Variants in ZNF469 observed in about 807,000 individuals in gnomAD.
ZNF469 encodes zinc finger protein 469.
A neutral mutation model predicts 1.0 loss-of-function variants in ZNF469; 1 was observed. That is an observed-to-expected ratio of 1.00 (90% CI 0.35 to 4.73). ZNF469 has a LOEUF of 4.73. Among genes scored for constraint, ZNF469 ranks in the 30% most tolerant of loss-of-function variants. The pLI is 0.16. For synonymous variants in ZNF469, 2,703 were observed against 2,363.4 expected (o/e 1.14, Z -4.17); for missense variants, 6,100 against 5,356.3 (o/e 1.14, Z -4.33).
the ZNF469 span, among the ~76,000 whole-genome samples, chr16:88,131,123 C>A: frequency 2.0e-5 from 3 of 152,248 alleles, no homozygotes; most frequent in Non-Finnish European, 4.4e-5. Flanking sequence ...TCCTGGAAAT[C>A]AATTGCTTTG....
At chr16:88,367,656 C>T in the ZNF469 span, among the ~76,000 whole-genome samples, 2 of 152,158 alleles carry the variant, frequency 1.3e-5, 1 homozygote, top group South Asian at 4.1e-4. Context: ...TGTGCTGGAG[C>T]CAAGCCCAAG....
At chr16:88,255,842 G>A in the ZNF469 span, among the ~76,000 whole-genome samples, 1 of 152,176 alleles carries the variant, frequency 6.6e-6, no homozygotes, top group South Asian at 2.1e-4. Context: ...TTATTACAGG[G>A]TTGGAATGTC....
chr16:88,306,207 G>T, the ZNF469 span, among the ~76,000 whole-genome samples: 1 of 152,208 alleles, frequency 6.6e-6, no homozygotes, highest in African/African-American at 2.4e-5. Context: ...CCTACAGTGT[G>T]CCAGGCACCG....
chr16:88,353,094 A>T, the ZNF469 span, among the ~76,000 whole-genome samples: 5 of 152,138 alleles, frequency 3.3e-5, no homozygotes, highest in Admixed American at 3.3e-4. Flanking sequence ...GCAGGAGGGA[A>T]ACCCTTAGGT....
At chr16:88,354,012 G>A in the ZNF469 span, among the ~76,000 whole-genome samples, 1 of 152,226 alleles carries the variant, frequency 6.6e-6, no homozygotes, top group Non-Finnish European at 1.5e-5. Flanking sequence ...GCTCGTGGCT[G>A]CCCCAGCTGG....
At chr16:88,244,794 T>C in the ZNF469 span, among the ~76,000 whole-genome samples, 1 of 143,846 alleles carries the variant, frequency 7.0e-6, no homozygotes, top group East Asian at 2.0e-4. Context: ...TCACCTAAGT[T>C]TGACAACTGG....
chr16:88,353,269 G>A, the ZNF469 span, among the ~76,000 whole-genome samples: 1 of 152,036 alleles, frequency 6.6e-6, no homozygotes, highest in African/African-American at 2.4e-5. Flanking sequence ...CGGCTGGAGG[G>A]ACCCTGGCTC....
chr16:88,143,752 G>T, the ZNF469 span, among the ~76,000 whole-genome samples: 2 of 152,250 alleles, frequency 1.3e-5, no homozygotes. Context: ...TCGCAGCCTT[G>T]CGGGGAGCGG....
At chr16:88,296,138 C>T in the ZNF469 span, among the ~76,000 whole-genome samples, 4 of 152,142 alleles carry the variant, frequency 2.6e-5, no homozygotes, top group South Asian at 4.1e-4. Flanking sequence ...GGAATTTCCC[C>T]GAGAGTGGCC....
At chr16:88,143,745 C>T in the ZNF469 span, among the ~76,000 whole-genome samples, 2 of 152,272 alleles carry the variant, frequency 1.3e-5, no homozygotes, top group South Asian at 4.1e-4. Flanking sequence ...GAACAAGTCG[C>T]AGCCTTGCGG....
the ZNF469 span, among the ~76,000 whole-genome samples, chr16:88,211,387 C>A: frequency 6.6e-6 from 1 of 152,228 alleles, no homozygotes; most frequent in East Asian, 1.9e-4. Context: ...TCTTCACATC[C>A]CATGCTGGGT....
In ZNF469 at chr16:88,438,871, C is replaced by T; in HGVS notation, c.11401C>T (p.Pro3801Ser). ...GCCAAGGGAAGCTGGTGAGCAGGGG[C>T]CCCACGGGAGCCTAGGTCCCAAGGA... is the stretch of plus-strand genomic sequence containing the variant. ...KGPREAGEQG[P>S]HGSLGPKEKG... Residue 3801 changes from proline (P) to serine (S), a missense_variant, in exon 3 of 3, where the codon CCC becomes TCC. Physicochemically the swap from Pro to Ser is moderately conservative, Grantham distance 74 (BLOSUM62 -1). Transcript: ENST00000565624. 6.4e-7 allele frequency: 1 copy of T among 1,550,454 alleles called. No individual in the cohort carries two copies. The highest frequency in any genetic ancestry group is 8.7e-7 in the Non-Finnish European group (1 of 1,146,982).
chr16:88,357,199 G>A, the ZNF469 span, among the ~76,000 whole-genome samples: 1 of 152,214 alleles, frequency 6.6e-6, no homozygotes, highest in Admixed American at 6.5e-5. Context: ...CCTGGACCCG[G>A]GTTTGAATCC....
rs1236654872 is a variant in ZNF469 at position 88,430,160 on chromosome 16, C to T, written c.2690C>T (p.Ala897Val). The T allele has an allele frequency of 7.1e-6, 11 of 1,549,542 alleles. No individual in the cohort carries two copies. The highest frequency in any genetic ancestry group is 2.0e-5 in the Admixed American group (1 of 51,010). The change falls in exon 3 of 3, where the codon GCT becomes GTT. Residue 897 changes from alanine to valine, a missense_variant. By Grantham distance (64) the Ala-to-Val change is moderately conservative. Transcript: ENST00000565624. ...GCGGGGGTGACTCCAGAGAGCAAAGCTCCGCCCCCGCTCCCAGCAGCCACG... is the reference window on the plus strand; with the variant it reads ...GCGGGGGTGACTCCAGAGAGCAAAGTTCCGCCCCCGCTCCCAGCAGCCACG... ...SKAGVTPESK[A>V]PPPLPAATPD...
chr16:88,113,745 G>A, the ZNF469 span, among the ~76,000 whole-genome samples: 1 of 149,886 alleles, frequency 6.7e-6, no homozygotes, highest in Admixed American at 6.7e-5. Context: ...GCTGTGAGGC[G>A]TGCGTCCCTT....
chr16:88,428,764 C>T lies in ZNF469; in HGVS notation c.1294C>T (p.Pro432Ser). 6.5e-7 allele frequency: 1 copy of T among 1,545,432 alleles called. No homozygotes were observed. The highest frequency in any genetic ancestry group is 8.7e-7 in the Non-Finnish European group (1 of 1,145,728). The change falls in exon 3 of 3, where the codon CCC (proline) becomes TCC (serine). Residue 432 changes from proline to serine, a missense_variant. Physicochemically the swap from Pro to Ser is moderately conservative, Grantham distance 74. Coordinates refer to ENST00000565624, the MANE Select transcript of ZNF469 (RefSeq NM_001367624.2). Reference sequence around the variant, plus strand: ...GGACACCGAGCTGGCCGCCCCAGGGCCCCCACCCGCCAGGCTGCCCCAGCT... The same window carrying T: ...GGACACCGAGCTGGCCGCCCCAGGGTCCCCACCCGCCAGGCTGCCCCAGCT... The part of the protein sequence containing the change: ...PPDTELAAPG[P>S]PPARLPQLWD...
At chr16:88,303,369 C>T in the ZNF469 span, among the ~76,000 whole-genome samples, 1 of 152,216 alleles carries the variant, frequency 6.6e-6, no homozygotes, top group African/African-American at 2.4e-5. Context: ...GCTCTGCACC[C>T]TCGCCAGCGC....
the ZNF469 span, among the ~76,000 whole-genome samples, chr16:88,164,290 A>G: frequency 6.6e-6 from 1 of 150,590 alleles, no homozygotes; most frequent in African/African-American, 2.5e-5. Context: ...TAGATGAATG[A>G]ATGGATGGGT....
chr16:88,422,342 T>G (rs1262464453), intron 1 of ZNF469, among the ~76,000 whole-genome samples: 1 of 120,236 alleles, frequency 8.3e-6, no homozygotes, highest in African/African-American at 3.2e-5. Flanking sequence ...GATGGGTGAA[T>G]GGGCAGGTGG....
Sources: allele counts gnomAD v4.1 joint callset (sites outside exome capture counted in the v4.1 genomes callset), GRCh38; gene constraint gnomAD v4.1.1; transcripts MANE v1.5; gene names NCBI Gene and HGNC (gene_info 2026-07-23, HGNC 2026-07-21).